ATP8A2: variants seen among roughly 807,000 people sequenced by gnomAD.
ATP8A2 encodes phospholipid-transporting ATPase IB.
In ATP8A2, 100 loss-of-function variants were observed where a neutral mutation model predicts 165.6. The ratio of observed to expected loss-of-function variants is 0.60; its 90% CI spans 0.51 to 0.71. ATP8A2 has a LOEUF of 0.71. ATP8A2 is among the 30% of genes least tolerant of loss of function. The probability of loss-of-function intolerance (pLI) is 0.00; values close to 1 mark genes in which losing one functional copy is unlikely to be tolerated. For missense variants in ATP8A2, 1,227 were observed against 1,479.5 expected (o/e 0.83, Z 2.80); for synonymous variants, 543 against 548.8 (o/e 0.99, Z 0.15).
intron 30 of ATP8A2, among the ~76,000 whole-genome samples, chr13:25,840,126 T>C (rs543208322): frequency 3.3e-5 from 5 of 152,256 alleles, no homozygotes; most frequent in Non-Finnish European, 5.9e-5. Flanking sequence ...ATTCTCCAGA[T>C]TGGTGTTTGT....
At chr13:25,635,280 A>G (rs754873593) in intron 24 of ATP8A2, among the ~76,000 whole-genome samples, 6 of 152,192 alleles carry the variant, frequency 3.9e-5, no homozygotes, top group Non-Finnish European at 7.3e-5. Context: ...GTTAAACTTG[A>G]ACAGTGACTT....
intron 1 of ATP8A2, among the ~76,000 whole-genome samples, chr13:25,399,299 A>G (rs1022459700): frequency 3.3e-5 from 5 of 151,684 alleles, no homozygotes; most frequent in Non-Finnish European, 7.4e-5. Flanking sequence ...CGCATTTCTC[A>G]CAAATTCTCA....
chr13:25,411,855 G>A (rs1475447652), intron 1 of ATP8A2, among the ~76,000 whole-genome samples: 1 of 151,950 alleles, frequency 6.6e-6, no homozygotes, highest in Non-Finnish European at 1.5e-5. Context: ...TAGGATTCTG[G>A]GTGACTTTTA....
rs190216288 is a variant in ATP8A2 at position 25,416,190 on chromosome 13, C to G, written c.76+43902C>G. ...TTATCATGTGCTCACCTCCACCCAC[C>G]CCCTAGATTGCAGCCTCCATGAGAC... On this transcript the variant is annotated intron_variant, in intron 1 of 36. Coordinates refer to ENST00000381655, the MANE Select transcript of ATP8A2 (RefSeq NM_016529.6). Among the ~76,000 whole-genome samples, 761 of 152,238 alleles carry G rather than the reference C, an allele frequency of 5.0e-3. 5 individuals are homozygous for G. Among genetic ancestry groups the G allele is most frequent in the Middle Eastern group, 0.02 (6 of 294 alleles).
At chr13:25,922,085 A>G (rs1486738783) in intron 33 of ATP8A2, among the ~76,000 whole-genome samples, 2 of 152,242 alleles carry the variant, frequency 1.3e-5, no homozygotes, top group East Asian at 1.9e-4. Flanking sequence ...ATGATTGCCT[A>G]TAACCTCAAT....
Position 25,537,843 on chromosome 13 carries a change from G to A in ATP8A2, c.508-145G>A, listed in dbSNP as rs563162054. ...AGCACTTTCCTTTTGTTCTTGTCAA[G>A]GAAAATAATTTGGGCTTCTCTATCT... On this transcript the variant is annotated intron_variant, in intron 6 of 36. Transcript: ENST00000381655. 9 of 498,214 alleles carry A rather than the reference G, an allele frequency of 1.8e-5. No individual in the cohort carries two copies. The South Asian group carries it at 3.5e-4, about 19-fold the overall frequency. 30.9% of individuals were successfully genotyped at this position (498,214 alleles called of 1,614,324 possible). A position where few individuals can be genotyped will look rare whatever the true frequency, so the allele number is the denominator to read the frequency against.
At chr13:25,509,723 T>G (rs531978933) in intron 2 of ATP8A2, among the ~76,000 whole-genome samples, 1 of 152,344 alleles carries the variant, frequency 6.6e-6, no homozygotes, top group Admixed American at 6.5e-5. Context: ...AATATTCTCC[T>G]TCTGTGATTT....
At chr13:25,507,589 G>A (rs1247178409) in intron 2 of ATP8A2, among the ~76,000 whole-genome samples, 2 of 152,116 alleles carry the variant, frequency 1.3e-5, no homozygotes, top group African/African-American at 2.4e-5. Flanking sequence ...TTTTAAATAA[G>A]TGGCTATGTG....
At chr13:25,575,240 T>C (rs1319273611) in intron 19 of ATP8A2, among the ~76,000 whole-genome samples, 1 of 152,214 alleles carries the variant, frequency 6.6e-6, no homozygotes, top group Non-Finnish European at 1.5e-5. Context: ...TGAGCACTCC[T>C]CTGGAGATCT....
chr13:25,917,552 C>A (rs1435914019), intron 33 of ATP8A2, among the ~76,000 whole-genome samples: 1 of 152,196 alleles, frequency 6.6e-6, no homozygotes, highest in East Asian at 1.9e-4. Context: ...TGTTAAGCTG[C>A]AAAGCTAGGC....
chr13:25,574,322 G>A (rs2039553865), intron 18 of ATP8A2, among the ~76,000 whole-genome samples: 1 of 152,154 alleles, frequency 6.6e-6, no homozygotes, highest in African/African-American at 2.4e-5. Context: ...GAGTTATTTG[G>A]CAGCAAAACC....
At chr13:25,788,679 T>C (rs1447448988) in intron 27 of ATP8A2, among the ~76,000 whole-genome samples, 2 of 152,274 alleles carry the variant, frequency 1.3e-5, no homozygotes, top group South Asian at 2.1e-4. Flanking sequence ...ATGGCTGTTA[T>C]ATATTGCAAC....
At chr13:25,958,668 C>G (rs1474565857) in intron 33 of ATP8A2, among the ~76,000 whole-genome samples, 1 of 152,198 alleles carries the variant, frequency 6.6e-6, no homozygotes, top group African/African-American at 2.4e-5. Flanking sequence ...GACTCTGGGT[C>G]TCAGTCCATC....
At chr13:25,964,055 G>C (rs1488897329) in intron 34 of ATP8A2, among the ~76,000 whole-genome samples, 1 of 152,206 alleles carries the variant, frequency 6.6e-6, no homozygotes. Flanking sequence ...GCTAAGGGTC[G>C]TCACTCTGCA....
chr13:25,863,002 G>A (rs1952401037), intron 33 of ATP8A2, among the ~76,000 whole-genome samples: 2 of 152,138 alleles, frequency 1.3e-5, no homozygotes, highest in Admixed American at 6.5e-5. Context: ...GCCATCAACA[G>A]TGACAAACTG....
rs55782604 is a variant in ATP8A2, at chr13:25,892,580, CCT to C, written c.3183+30192_3183+30193del. Among the ~76,000 whole-genome samples, 843 of 144,130 alleles carry C rather than the reference CCT, an allele frequency of 5.8e-3. 7 individuals are homozygous for C. The highest frequency in any genetic ancestry group is 9.2e-3 in the Non-Finnish European group (607 of 66,010). 94.6% of individuals were successfully genotyped at this position (144,130 alleles called of 152,430 possible). A position where few individuals can be genotyped will look rare whatever the true frequency, so the allele number is the denominator to read the frequency against. On this transcript the variant is annotated intron_variant, in intron 33 of 36. Transcript: ENST00000381655. Reference sequence around the variant, plus strand: ...GCAATGGAAACAACAAATGGAAACACCTCTCTCTCTCTCTCTCTCTCCCTCCT... The same window carrying C: ...GCAATGGAAACAACAAATGGAAACACCTCTCTCTCTCTCTCTCTCCCTCCT...
At chr13:25,771,713 T>C (rs1194985763) in intron 26 of ATP8A2, among the ~76,000 whole-genome samples, 2 of 152,192 alleles carry the variant, frequency 1.3e-5, no homozygotes, top group African/African-American at 4.8e-5. Flanking sequence ...CTGTGCACCC[T>C]CATTTCTCCT....
chr13:25,535,685 C>T (rs560903866), intron 6 of ATP8A2, among the ~76,000 whole-genome samples: 2 of 152,034 alleles, frequency 1.3e-5, no homozygotes, highest in South Asian at 2.1e-4. Flanking sequence ...CGTGGTGGTG[C>T]GTGTCTGTAA....
At chr13:25,932,921 A>T (rs1740390119) in intron 33 of ATP8A2, among the ~76,000 whole-genome samples, 1 of 152,092 alleles carries the variant, frequency 6.6e-6, no homozygotes, top group Non-Finnish European at 1.5e-5. Context: ...ATCTCGGCTC[A>T]CTGCAACCTC....
Sources: allele counts gnomAD v4.1 joint callset (sites outside exome capture counted in the v4.1 genomes callset), GRCh38; gene constraint gnomAD v4.1.1; transcripts MANE v1.5; gene names NCBI Gene and HGNC (gene_info 2026-07-23, HGNC 2026-07-21).